LEKR1: variants seen among roughly 807,000 people sequenced by gnomAD.
The protein encoded by LEKR1 is protein LEKR1.
A neutral mutation model predicts 72.4 loss-of-function variants in LEKR1; 59 were observed. That is an observed-to-expected ratio of 0.82 (90% CI 0.66 to 1.01). LEKR1 has a LOEUF of 1.01. Among genes scored for constraint, LEKR1 ranks in the 50% least tolerant of loss-of-function variants. The pLI is 0.00. For missense variants in LEKR1, 728 were observed against 759.2 expected (o/e 0.96, Z 0.48); for synonymous variants, 257 against 263.2 (o/e 0.98, Z 0.23).
chr3:156,968,487 T>C (rs966050466), intron 6 of LEKR1, among the ~76,000 whole-genome samples: 6 of 152,128 alleles, frequency 3.9e-5, no homozygotes, highest in Non-Finnish European at 8.8e-5. Context: ...TAGTCTCTGA[T>C]AAAACAAACT....
intron 4 of LEKR1, among the ~76,000 whole-genome samples, chr3:156,922,372 C>A (rs1724281421): frequency 6.6e-6 from 1 of 150,812 alleles, no homozygotes; most frequent in African/African-American, 2.4e-5. Context: ...TTATAATCTT[C>A]TGTCTTGAAG....
At chr3:156,886,179 C>T (rs1720048421) in intron 3 of LEKR1, among the ~76,000 whole-genome samples, 1 of 152,020 alleles carries the variant, frequency 6.6e-6, no homozygotes, top group South Asian at 2.1e-4. Context: ...TACTATGTTT[C>T]AGAGGGGATC....
intron 9 of LEKR1, among the ~76,000 whole-genome samples, chr3:156,994,200 T>C (rs78994635): frequency 0.027 from 4,067 of 152,248 alleles, 76 homozygotes; most frequent in Middle Eastern, 0.078. Flanking sequence ...CAATCTTTTT[T>C]TTCTTTGAGT....
At chr3:156,968,057 T>G (rs1728796235) in intron 6 of LEKR1, among the ~76,000 whole-genome samples, 1 of 152,072 alleles carries the variant, frequency 6.6e-6, no homozygotes, top group Admixed American at 6.6e-5. Context: ...ATAAAATCCT[T>G]TACAGACAAG....
intron 9 of LEKR1, among the ~76,000 whole-genome samples, chr3:156,998,528 T>G (rs1182111122): frequency 6.6e-6 from 1 of 152,152 alleles, no homozygotes; most frequent in Non-Finnish European, 1.5e-5. Context: ...AGAGATTTAT[T>G]GTGATCAATT....
chr3:157,011,620 T>G, intron 10 of LEKR1, 114 bp downstream of exon 10: 3 of 715,966 alleles, frequency 4.2e-6, no homozygotes, highest in Non-Finnish European at 7.2e-6. Flanking sequence ...ACACTTTAGA[T>G]TCCTTCTGGA....
chr3:156,847,348 G>T (rs1714738283), intron 2 of LEKR1, among the ~76,000 whole-genome samples: 1 of 152,164 alleles, frequency 6.6e-6, no homozygotes, highest in East Asian at 1.9e-4. Context: ...TTAATATATT[G>T]CATTTGTTAA....
rs559599132 is a variant in LEKR1, at chr3:156,980,875, G to T, written c.827+1600G>T. Among the ~76,000 whole-genome samples, 41 of 152,274 alleles carry T rather than the reference G, an allele frequency of 2.7e-4. 1 individual carries two copies. In the South Asian group the frequency reaches 7.9e-3, roughly 29 times the overall value. ...AAACTTACTGGTAGTGACATGAATT[G>T]ATATTTTACAGAATAAGTTGGCACA... is the stretch of plus-strand genomic sequence containing the variant. On this transcript the variant is annotated intron_variant, in intron 7 of 12. Transcript: ENST00000356539.
chr3:156,829,573 G>T (rs1712094392), intron 2 of LEKR1, among the ~76,000 whole-genome samples, 196 bp downstream of exon 2: 1 of 152,168 alleles, frequency 6.6e-6, no homozygotes, highest in Non-Finnish European at 1.5e-5. Context: ...TGCTGCTATG[G>T]AAGAAGACAT....
chr3:157,004,716 T>C (rs1732278224), intron 9 of LEKR1, among the ~76,000 whole-genome samples: 2 of 152,070 alleles, frequency 1.3e-5, no homozygotes, highest in South Asian at 4.1e-4. Flanking sequence ...TATATAACAA[T>C]TCTAAATAAG....
Position 157,045,451 on chromosome 3 carries a change from AGTTTACCATTCTCACC to A in LEKR1, c.1783_1798del (p.Leu595ValfsTer8). 6.2e-7 allele frequency: 1 copy of A among 1,614,126 alleles called. No individual in the cohort carries two copies. Among genetic ancestry groups the A allele is most frequent in the East Asian group, 2.2e-5 (1 of 44,882 alleles). ...CCTGGAGCTCAGTAAGCTTCGTGGA[AGTTTACCATTCTCACC>A]GTGTTCCCTCAGCAAGGGCAGCCTA... On this transcript the variant is annotated frameshift_variant, in exon 13 of 13. Coordinates refer to ENST00000356539, the MANE Select transcript of LEKR1 (RefSeq NM_001004316.3). LOFTEE classifies it low-confidence loss of function (END_TRUNC).
chr3:156,884,335 G>A (rs1719829172), intron 3 of LEKR1, among the ~76,000 whole-genome samples: 1 of 150,274 alleles, frequency 6.7e-6, no homozygotes, highest in African/African-American at 2.4e-5. Context: ...GTTAATACCT[G>A]TTTTTTTTTC....
chr3:156,980,126 A>G (rs886877647), intron 7 of LEKR1: 1 of 152,204 alleles, frequency 6.6e-6, no homozygotes, highest in Non-Finnish European at 1.5e-5. Flanking sequence ...TAATCTTTGA[A>G]AAGTAAGTAG....
chr3:156,899,253 CATATATATATAT>C (rs71141734), intron 3 of LEKR1, among the ~76,000 whole-genome samples: 1 of 133,400 alleles, frequency 7.5e-6, no homozygotes, highest in South Asian at 2.2e-4. Context: ...CATATATATA[CATATATATATAT>C]ACACACATGT....
At chr3:156,877,221 A>G (rs1718706426) in intron 3 of LEKR1, among the ~76,000 whole-genome samples, 1 of 152,100 alleles carries the variant, frequency 6.6e-6, no homozygotes. Context: ...TTAGCTATTA[A>G]ATAGTATTTT....
intron 9 of LEKR1, among the ~76,000 whole-genome samples, chr3:157,000,423 A>C (rs1233551234): frequency 2.0e-5 from 3 of 152,164 alleles, no homozygotes; most frequent in Admixed American, 6.5e-5. Flanking sequence ...CTTAGTTTAA[A>C]AAGAATGGAC....
intron 5 of LEKR1, among the ~76,000 whole-genome samples, chr3:156,934,679 A>G (rs751214335): frequency 1.3e-4 from 20 of 152,164 alleles, no homozygotes; most frequent in Non-Finnish European, 2.8e-4. Flanking sequence ...TCAATATAAA[A>G]ACATAGAAAA....
At chr3:156,838,177 G>A (rs1224437457) in intron 2 of LEKR1, among the ~76,000 whole-genome samples, 1 of 152,116 alleles carries the variant, frequency 6.6e-6, no homozygotes, top group East Asian at 1.9e-4. Context: ...AGTTTCAACA[G>A]GTGATCTTTA....
chr3:156,990,593 C>T (rs368833640), intron 7 of LEKR1, among the ~76,000 whole-genome samples: 12 of 152,280 alleles, frequency 7.9e-5, no homozygotes, highest in African/African-American at 2.4e-4. Flanking sequence ...CTACTGTAAG[C>T]AAGATCCTAC....
Sources: allele counts gnomAD v4.1 joint callset (sites outside exome capture counted in the v4.1 genomes callset), GRCh38; gene constraint gnomAD v4.1.1; transcripts MANE v1.5; gene names NCBI Gene and HGNC (gene_info 2026-07-23, HGNC 2026-07-21).